Variants in BTBD8 observed in about 807,000 individuals in gnomAD.
BTBD8 encodes BTB/POZ domain-containing protein 8.
Under a neutral mutation model 162.9 loss-of-function variants are expected in BTBD8, and 110 were observed. That is an observed-to-expected ratio of 0.68 (90% CI 0.58 to 0.79). The LOEUF is 0.79. Ranked by LOEUF, BTBD8 falls within the 30% of genes least tolerant of loss-of-function variation. The pLI, the probability that BTBD8 is intolerant of heterozygous loss-of-function variation, is 0.00. For synonymous variants in BTBD8, 667 were observed against 716.1 expected, an observed-to-expected ratio of 0.93 and a Z score of 1.10; for missense variants, 1,905 against 2,085.4, an observed-to-expected ratio of 0.91 and a Z score of 1.68.
chr1:92,081,426 C>G (rs1293881603), intron 1 of BTBD8, among the ~76,000 whole-genome samples: 5 of 152,198 alleles, frequency 3.3e-5, no homozygotes, highest in African/African-American at 1.2e-4. Flanking sequence ...ACATTTCCAG[C>G]AAGACATTGA....
At chr1:92,116,261 T>C (rs4437922) in intron 4 of BTBD8, among the ~76,000 whole-genome samples, 91,060 of 151,838 alleles carry the variant, frequency 0.6, 28,217 homozygotes, top group East Asian at 0.97. Context: ...GCCCAGAATA[T>C]GGTCTGTGTT....
chr1:92,137,688 C>T (rs1649666416), intron 5 of BTBD8, among the ~76,000 whole-genome samples: 1 of 152,148 alleles, frequency 6.6e-6, no homozygotes, highest in South Asian at 2.1e-4. Context: ...TATCCCTTAT[C>T]TGAAATGCTT....
intron 13 of BTBD8, among the ~76,000 whole-genome samples, chr1:92,173,386 T>C (rs535368557): frequency 6.6e-6 from 1 of 152,330 alleles, no homozygotes; most frequent in East Asian, 1.9e-4. Flanking sequence ...TATTATACGA[T>C]TCCACAGAAC....
chr1:92,151,394 T>C (rs1650039757), intron 9 of BTBD8, among the ~76,000 whole-genome samples: 1 of 151,754 alleles, frequency 6.6e-6, no homozygotes, highest in Admixed American at 6.6e-5. Flanking sequence ...GTGTTTTAGC[T>C]AATGAAGGAC....
At chr1:92,122,806 C>A (rs1055862458) in intron 4 of BTBD8, among the ~76,000 whole-genome samples, 8 of 152,308 alleles carry the variant, frequency 5.3e-5, no homozygotes, top group African/African-American at 1.7e-4. Flanking sequence ...CTCAAGTGAT[C>A]TTCCTGCCTT....
intron 4 of BTBD8, chr1:92,115,339 A>C: frequency 2.2e-6 from 1 of 453,900 alleles, no homozygotes. Context: ...CAGGGAGCTA[A>C]GCAGTTGGTG....
Position 92,113,552 on chromosome 1 carries a change from G to C in BTBD8, c.662+5551G>C, listed in dbSNP as rs146785532. ...ATTATTGGAAAGTTCCCATGCCAAA[G>C]GCACCCATCAGAGAAGCGCCTGTTT... On this transcript the variant is annotated intron_variant, in intron 4 of 17. Transcript: ENST00000636805. Among the ~76,000 whole-genome samples the C allele has an allele frequency of 2.5e-3, 386 of 152,290 alleles. 2 individuals are homozygous for C. The highest frequency in any genetic ancestry group is 8.5e-3 in the African/African-American group (352 of 41,558).
chr1:92,101,083 C>T (rs575655614), intron 2 of BTBD8, among the ~76,000 whole-genome samples: 21 of 152,124 alleles, frequency 1.4e-4, no homozygotes, highest in Admixed American at 5.9e-4. Flanking sequence ...CTCCTTCCAC[C>T]GTTTCCCCCA....
intron 7 of BTBD8, among the ~76,000 whole-genome samples, chr1:92,144,104 G>A (rs1001278952): frequency 6.7e-5 from 10 of 149,642 alleles, no homozygotes; most frequent in African/African-American, 2.5e-4. Flanking sequence ...CTCCCCAGTA[G>A]CTGGGACTAC....
intron 2 of BTBD8, among the ~76,000 whole-genome samples, chr1:92,093,707 A>C (rs1212961544): frequency 6.6e-6 from 1 of 152,228 alleles, no homozygotes; most frequent in African/African-American, 2.4e-5. Flanking sequence ...CACTTAGCGC[A>C]GTGGCCTGGG....
Position 92,080,723 on chromosome 1 carries a change from A to G in BTBD8, c.149+3A>G, listed in dbSNP as rs767380058. 5 of 1,608,104 alleles carry G rather than the reference A, an allele frequency of 3.1e-6. No homozygotes were observed. The highest frequency in any genetic ancestry group is 2.2e-5 in the East Asian group (1 of 44,536). On this transcript the variant is annotated splice_donor_region_variant and intron_variant, in intron 1 of 17. Coordinates refer to ENST00000636805, the MANE Select transcript of BTBD8 (RefSeq NM_001376131.1). ...CAGCTCAGCCAGGATTTGCTCAGGT[A>G]GGAGGAGGCGGGAACTCTGGCTGCT...
intron 4 of BTBD8, among the ~76,000 whole-genome samples, chr1:92,119,863 C>T (rs1243318303): frequency 7.5e-6 from 1 of 133,758 alleles, no homozygotes; most frequent in Non-Finnish European, 1.5e-5. Flanking sequence ...CGAGGGATTA[C>T]AGGCGTGAGC....
chr1:92,112,466 G>T (rs1164552817), intron 4 of BTBD8, among the ~76,000 whole-genome samples: 2 of 151,988 alleles, frequency 1.3e-5, no homozygotes, highest in East Asian at 3.9e-4. Flanking sequence ...TGAAAATGAG[G>T]CTTATATCAG....
intron 11 of BTBD8, 53 bp from the exon 12 acceptor site, chr1:92,168,813 G>A: frequency 7.0e-7 from 1 of 1,437,818 alleles, no homozygotes; most frequent in East Asian, 2.6e-5. Flanking sequence ...ATAATGACTG[G>A]TTGCTATGAC....
intron 3 of BTBD8, among the ~76,000 whole-genome samples, chr1:92,103,368 A>G (rs763971534): frequency 1.2e-4 from 18 of 152,240 alleles, no homozygotes; most frequent in Non-Finnish European, 2.5e-4. Flanking sequence ...TAGACATTCT[A>G]GGCCTTGAGG....
Position 92,177,491 on chromosome 1 carries a change from T to G in BTBD8, c.2298T>G (p.Asp766Glu), listed in dbSNP as rs1289632246. The G allele has an allele frequency of 6.4e-7, 1 of 1,551,426 alleles. No homozygotes were observed. The highest frequency in any genetic ancestry group is 2.0e-5 in the Admixed American group (1 of 50,988). Residue 766 changes from aspartate (D) to glutamate (E), a missense_variant, in exon 14 of 18, where the codon GAT becomes GAG. Around this residue, in one of 3 missense-constraint regions of BTBD8, gnomAD observed 1,374 missense variants for 1,442.7 expected, o/e 0.95. Coordinates refer to ENST00000636805, the MANE Select transcript of BTBD8 (RefSeq NM_001376131.1). ...CTGGACATAAACTATCCTTTTGTGATTCTCCAGGACAGATGATGAAAAACA... is the reference window on the plus strand; with the variant it reads ...CTGGACATAAACTATCCTTTTGTGAGTCTCCAGGACAGATGATGAAAAACA... ...KPSGHKLSFC[D>E]SPGQMMKNSV...
intron 5 of BTBD8, among the ~76,000 whole-genome samples, chr1:92,130,734 G>A (rs1293142438): frequency 6.6e-6 from 1 of 151,450 alleles, no homozygotes; most frequent in Non-Finnish European, 1.5e-5. Flanking sequence ...AGTCTCATTC[G>A]GTCACCCAGG....
chr1:92,154,076 C>T (rs1435947989), intron 9 of BTBD8, among the ~76,000 whole-genome samples: 1 of 152,122 alleles, frequency 6.6e-6, no homozygotes, highest in Non-Finnish European at 1.5e-5. Flanking sequence ...GGAATCTCCC[C>T]ACTCTGTCTC....
At chr1:92,158,799 A>G (rs756894028) in intron 9 of BTBD8, among the ~76,000 whole-genome samples, 2 of 152,160 alleles carry the variant, frequency 1.3e-5, no homozygotes, top group Non-Finnish European at 2.9e-5. Context: ...AATTTAAGAC[A>G]GGATCTCACT....
Sources: allele counts gnomAD v4.1 joint callset (sites outside exome capture counted in the v4.1 genomes callset), GRCh38; gene constraint gnomAD v4.1.1; regional missense constraint gnomAD v4.1.1; transcripts MANE v1.5; gene names NCBI Gene and HGNC (gene_info 2026-07-23, HGNC 2026-07-21).